Variants in UNC13C observed in about 807,000 individuals in gnomAD.
UNC13C encodes unc-13 homolog C.
In UNC13C, 174 loss-of-function variants were observed where a neutral mutation model predicts 245.4. The observed-to-expected ratio is 0.71, with a 90% CI of 0.63 to 0.80. The LOEUF (loss-of-function observed/expected upper bound fraction) is 0.80. Among genes scored for constraint, UNC13C ranks in the 30% least tolerant of loss-of-function variants. The pLI is 0.00. For synonymous variants in UNC13C, 992 were observed against 895.1 expected, an observed-to-expected ratio of 1.11 and a Z score of -1.93; for missense variants, 2,829 against 2,602.9, an observed-to-expected ratio of 1.09 and a Z score of -1.89.
intron 19 of UNC13C, among the ~76,000 whole-genome samples, chr15:54,444,702 T>C (rs1023644549): frequency 8.6e-5 from 13 of 151,924 alleles, no homozygotes; most frequent in African/African-American, 2.9e-4. Flanking sequence ...GTGTGTGCTC[T>C]ACCAGTGGGT....
In UNC13C at chr15:54,321,943, T is replaced by C. The variant is rs374543071; in HGVS notation, c.4273T>C (p.Phe1425Leu). 1 of 1,569,448 alleles carries C rather than the reference T, an allele frequency of 6.4e-7. No individual in the cohort carries two copies. Among genetic ancestry groups the C allele is most frequent in the Non-Finnish European group, 8.6e-7 (1 of 1,156,634 alleles). ...IESIYQAMTH[F>L]SCLSSKYMCP... Reference sequence around the variant, plus strand: ...TTTATGTTTTTTGTCTTTCAGGCACTTTTCATGTCTGTCTTCTAAATACAT... The same window carrying C: ...TTTATGTTTTTTGTCTTTCAGGCACCTTTCATGTCTGTCTTCTAAATACAT... The change falls in exon 14 of 33, where the codon TTT becomes CTT. Residue 1425 changes from phenylalanine to leucine, a missense_variant. By Grantham distance (22) the Phe-to-Leu change is conservative. Coordinates refer to ENST00000260323, the MANE Select transcript of UNC13C (RefSeq NM_001080534.3).
intron 30 of UNC13C, among the ~76,000 whole-genome samples, chr15:54,585,413 A>G (rs1222773474): frequency 6.6e-6 from 1 of 152,130 alleles, no homozygotes; most frequent in Non-Finnish European, 1.5e-5. Context: ...TAGGCCTCAA[A>G]AGAAGCAGAT....
intron 2 of UNC13C, among the ~76,000 whole-genome samples, chr15:54,075,926 T>C (rs146298401): frequency 3.5e-4 from 54 of 152,268 alleles, no homozygotes; most frequent in African/African-American, 1.3e-3. Context: ...AGAGATTATC[T>C]AGATAATTGC....
At chr15:54,498,116 A>T (rs1267198467) in intron 20 of UNC13C, among the ~76,000 whole-genome samples, 1 of 152,140 alleles carries the variant, frequency 6.6e-6, no homozygotes, top group Non-Finnish European at 1.5e-5. Flanking sequence ...ATCTATCTAT[A>T]TAGGTATCTA....
chr15:54,549,210 T>A (rs1233735815), intron 27 of UNC13C, among the ~76,000 whole-genome samples: 1 of 152,208 alleles, frequency 6.6e-6, no homozygotes, highest in East Asian at 1.9e-4. Flanking sequence ...TAGTCGCTAA[T>A]AGACTGGACA....
chr15:54,452,101 G>T (rs1044899736), intron 19 of UNC13C, among the ~76,000 whole-genome samples: 1 of 152,228 alleles, frequency 6.6e-6, no homozygotes, highest in Non-Finnish European at 1.5e-5. Flanking sequence ...CTGTGGCGAA[G>T]CTTTGCTTAG....
intron 4 of UNC13C, among the ~76,000 whole-genome samples, chr15:54,202,083 A>T (rs2034542082): frequency 6.6e-6 from 1 of 151,820 alleles, no homozygotes; most frequent in Admixed American, 6.6e-5. Context: ...AAAAAAAATT[A>T]AATAAATTGT....
At chr15:54,336,903 T>G (rs1284715292) in intron 16 of UNC13C, among the ~76,000 whole-genome samples, 1 of 152,162 alleles carries the variant, frequency 6.6e-6, no homozygotes, top group African/African-American at 2.4e-5. Context: ...ATAATGTGCA[T>G]CCCACCTCGT....
At chr15:54,196,709 A>G (rs1270307641) in intron 4 of UNC13C, among the ~76,000 whole-genome samples, 1 of 152,198 alleles carries the variant, frequency 6.6e-6, no homozygotes, top group Non-Finnish European at 1.5e-5. Context: ...ACAGTAGCTG[A>G]TTAAAGGAGA....
chr15:53,900,107 T>C, the UNC13C span, among the ~76,000 whole-genome samples: 1 of 152,204 alleles, frequency 6.6e-6, no homozygotes, highest in Admixed American at 6.5e-5. Context: ...CCCCTCGATC[T>C]TCAATCATAT....
chr15:54,193,328 TA>T lies in UNC13C; in HGVS notation c.3072-41697del. Among the ~76,000 whole-genome samples, 3 of 152,340 alleles carry T rather than the reference TA, an allele frequency of 2.0e-5. No individual in the cohort carries two copies. The South Asian group carries it at 6.2e-4, about 32-fold the overall frequency. On this transcript the variant is annotated intron_variant, in intron 4 of 32. Coordinates refer to ENST00000260323, the MANE Select transcript of UNC13C (RefSeq NM_001080534.3). ...TTGGAGACTTCCTGAATCCCTGCTCTAAAAAGCTTGAGTGTATACACAACAC... is the reference window on the plus strand; with the variant it reads ...TTGGAGACTTCCTGAATCCCTGCTCTAAAAGCTTGAGTGTATACACAACAC...
At chr15:54,118,348 T>C (rs990114382) in intron 2 of UNC13C, among the ~76,000 whole-genome samples, 58 of 152,278 alleles carry the variant, frequency 3.8e-4, no homozygotes, top group African/African-American at 1.3e-3. Context: ...TTTTTAGTTT[T>C]TCTTGTATAG....
At chr15:53,883,620 A>G in the UNC13C span, among the ~76,000 whole-genome samples, 2 of 152,226 alleles carry the variant, frequency 1.3e-5, no homozygotes, top group Admixed American at 6.5e-5. Context: ...TTGCTATTTA[A>G]TGCAGACAAA....
intron 4 of UNC13C, among the ~76,000 whole-genome samples, chr15:54,185,327 A>G (rs1388659558): frequency 1.3e-5 from 2 of 151,906 alleles, no homozygotes; most frequent in South Asian, 2.1e-4. Context: ...TTGGTGTTTT[A>G]GACATGAAGT....
At position 54,544,834 on chromosome 15, in the gene UNC13C, G is replaced by C. The variant is rs2141172727; in HGVS notation, c.5697-1888G>C. Among the ~76,000 whole-genome samples, 3 of 152,304 alleles carry C rather than the reference G, an allele frequency of 2.0e-5. No individual in the cohort carries two copies. In the South Asian group the frequency reaches 6.2e-4, roughly 32 times the overall value. On this transcript the variant is annotated intron_variant, in intron 26 of 32. Transcript: ENST00000260323. ...AATGGAAATAAATTTCATGTTCATG[G>C]ATAGGAAGAATCAATATTGTGAAAA...
intron 18 of UNC13C, among the ~76,000 whole-genome samples, 194 bp downstream of exon 18, chr15:54,393,375 G>C (rs1413502596): frequency 1.3e-5 from 2 of 151,842 alleles, no homozygotes; most frequent in Non-Finnish European, 2.9e-5. Flanking sequence ...GCTCCATGGA[G>C]TATGATTCTT....
At chr15:54,619,220 T>C (rs554902843) in intron 30 of UNC13C, among the ~76,000 whole-genome samples, 10 of 152,074 alleles carry the variant, frequency 6.6e-5, no homozygotes, top group Admixed American at 5.9e-4. Flanking sequence ...AAGATATCTG[T>C]ATCTTTCTCC....
rs145062377 is a variant in UNC13C, at chr15:54,501,784, A to G, written c.5301+806A>G. On this transcript the variant is annotated intron_variant, in intron 22 of 32. Transcript: ENST00000260323. ...CAAGGGCAGGGCTCATAGAAGACTA[A>G]AACGGAGAAGTTAGAAAAGTATTCT... 3.5e-4 allele frequency among the ~76,000 whole-genome samples: 54 copies of G among 152,248 alleles called. 1 individual carries two copies. The East Asian group carries it at 7.9e-3, about 22-fold the overall frequency.
At chr15:54,186,856 T>TATATATATA (rs1567079918) in intron 4 of UNC13C, among the ~76,000 whole-genome samples, 10 of 120,162 alleles carry the variant, frequency 8.3e-5, no homozygotes, top group South Asian at 2.2e-4. Flanking sequence ...TATATATATA[T>TATATATATA]TTTGTTTTTT....
Sources: allele counts gnomAD v4.1 joint callset (sites outside exome capture counted in the v4.1 genomes callset), GRCh38; gene constraint gnomAD v4.1.1; transcripts MANE v1.5; gene names NCBI Gene and HGNC (gene_info 2026-07-23, HGNC 2026-07-21).